The following GDA variants were observed in gnomAD, a reference collection of about 807,000 sequenced individuals.
GDA encodes the protein guanine deaminase, also known as cytoplasmic PSD-95 interactor.
Under a neutral mutation model 59.6 loss-of-function variants are expected in GDA, and 18 were observed. That is an observed-to-expected ratio of 0.30 (90% confidence interval 0.21 to 0.45). The LOEUF (loss-of-function observed/expected upper bound fraction) is 0.45, where lower values mean the gene tolerates loss of function less well. Among genes scored for constraint, GDA ranks in the 20% least tolerant of loss-of-function variants. The probability of loss-of-function intolerance (pLI) is 1.00; values close to 1 mark genes in which losing one functional copy is unlikely to be tolerated. For missense variants in GDA, 427 were observed against 552.3 expected, an observed-to-expected ratio of 0.77 and a Z score of 2.27; for synonymous variants, 201 against 201.1, an observed-to-expected ratio of 1.00 and a Z score of 0.00.
chr9:72,160,042 A>G (rs568862770), intron 1 of GDA, among the ~76,000 whole-genome samples: 1 of 152,244 alleles, frequency 6.6e-6, no homozygotes, highest in East Asian at 1.9e-4. Context: ...GCTCATGCCT[A>G]TAATCCCAGC....
At chr9:72,125,129 G>A (rs1825800825) in intron 1 of GDA, among the ~76,000 whole-genome samples, 2 of 152,184 alleles carry the variant, frequency 1.3e-5, no homozygotes, top group South Asian at 4.1e-4. Context: ...TTTGCAGTGA[G>A]GTGTGGCCAT....
At chr9:72,139,577 T>C (rs1274054812) in intron 1 of GDA, among the ~76,000 whole-genome samples, 1 of 152,118 alleles carries the variant, frequency 6.6e-6, no homozygotes, top group Non-Finnish European at 1.5e-5. Flanking sequence ...CCCAGGGCTT[T>C]GGGAAGTTGA....
chr9:72,217,789 C>T (rs1836324262), intron 5 of GDA, among the ~76,000 whole-genome samples: 1 of 152,182 alleles, frequency 6.6e-6, no homozygotes, highest in East Asian at 1.9e-4. Flanking sequence ...TGTTCTTTTT[C>T]ATACAACATT....
intron 11 of GDA, among the ~76,000 whole-genome samples, chr9:72,243,202 T>C (rs4130866): frequency 0.23 from 35,287 of 152,092 alleles, 4,849 homozygotes; most frequent in East Asian, 0.53. Context: ...ATCAAAACTC[T>C]ATTTCCTGAA....
chr9:72,194,717 G>C (rs910694376), intron 1 of GDA, among the ~76,000 whole-genome samples: 7 of 152,124 alleles, frequency 4.6e-5, no homozygotes, highest in Non-Finnish European at 4.4e-5. Context: ...TAGTCCTTGG[G>C]ACCTAGACTG....
At chr9:72,230,856 C>T (rs1038118183) in intron 9 of GDA, among the ~76,000 whole-genome samples, 6 of 152,102 alleles carry the variant, frequency 3.9e-5, no homozygotes, top group South Asian at 2.1e-4. Context: ...CCCATACAAA[C>T]GATCCCCTGC....
intron 1 of GDA, among the ~76,000 whole-genome samples, chr9:72,178,830 A>T (rs946205085): frequency 2.6e-5 from 4 of 152,230 alleles, no homozygotes; most frequent in Admixed American, 6.5e-5. Context: ...TGTAAAATGT[A>T]AGTGTAGGAT....
intron 11 of GDA, among the ~76,000 whole-genome samples, chr9:72,243,495 T>C (rs1463721460): frequency 6.6e-6 from 1 of 152,226 alleles, no homozygotes; most frequent in Admixed American, 6.5e-5. Flanking sequence ...TGTTTCTTTG[T>C]CAAGGGCAAA....
chr9:72,162,243 G>A (rs1828720975), intron 1 of GDA, among the ~76,000 whole-genome samples: 3 of 152,152 alleles, frequency 2.0e-5, no homozygotes, highest in Admixed American at 2.0e-4. Flanking sequence ...AGGTCTTAGG[G>A]ATAAAATGGT....
intron 3 of GDA, among the ~76,000 whole-genome samples, chr9:72,205,332 C>T (rs1834561514): frequency 6.6e-6 from 1 of 152,080 alleles, no homozygotes; most frequent in South Asian, 2.1e-4. Flanking sequence ...TTTCCTTCCT[C>T]CCTTCCTTCT....
upstream of GDA, among the ~76,000 whole-genome samples, chr9:72,145,312 T>A (rs371571532): frequency 3.3e-5 from 5 of 152,288 alleles, no homozygotes; most frequent in African/African-American, 1.2e-4. Flanking sequence ...GAATGAACAA[T>A]TCCTGGGAGT....
intron 1 of GDA, among the ~76,000 whole-genome samples, chr9:72,177,013 A>G (rs186262055): frequency 1.2e-4 from 18 of 152,320 alleles, no homozygotes; most frequent in African/African-American, 3.1e-4. Context: ...GAGGACTGAA[A>G]AATGACTGTG....
chr9:72,166,133 G>A (rs1426452347), intron 1 of GDA, among the ~76,000 whole-genome samples: 2 of 152,094 alleles, frequency 1.3e-5, no homozygotes, highest in Non-Finnish European at 2.9e-5. Context: ...TCACTGTCCT[G>A]ACAATCAAGT....
chr9:72,146,785 C>G (rs1564157791), upstream of GDA, among the ~76,000 whole-genome samples: 2 of 152,208 alleles, frequency 1.3e-5, no homozygotes, highest in African/African-American at 4.8e-5. Context: ...AGCCACCATG[C>G]CTGGCTGGGA....
At chr9:72,189,018 C>T (rs142166862) in intron 1 of GDA, among the ~76,000 whole-genome samples, 247 of 152,100 alleles carry the variant, frequency 1.6e-3, no homozygotes, top group African/African-American at 4.8e-3. Context: ...CCTTTTGGTC[C>T]AGGACTGTCA....
chr9:72,248,418 A>G lies in GDA; in HGVS notation c.*76A>G. 1 of 1,604,180 alleles carries G rather than the reference A, an allele frequency of 6.2e-7. No homozygotes were observed. Among genetic ancestry groups the G allele is most frequent in the East Asian group, 2.2e-5 (1 of 44,738 alleles). ...TCCCTTGTGCCCAGGTGGAGTTAGA[A>G]AGTCAAAAAATAGTACCTTGTTCTT... is the stretch of plus-strand genomic sequence containing the variant. On this transcript the variant is annotated 3_prime_UTR_variant, in exon 14 of 14. Coordinates refer to ENST00000358399, the MANE Select transcript of GDA (RefSeq NM_004293.5).
intron 9 of GDA, chr9:72,228,599 A>T (rs191586476): frequency 1.6e-4 from 24 of 153,060 alleles, no homozygotes; most frequent in Admixed American, 1.6e-3. Context: ...ATAAAATGAA[A>T]GTTATTGCCT....
chr9:72,129,440 A>T (rs942238036), intron 1 of GDA, among the ~76,000 whole-genome samples: 1 of 152,102 alleles, frequency 6.6e-6, no homozygotes, highest in Non-Finnish European at 1.5e-5. Context: ...CCACCTCCAG[A>T]CCCGTGGACA....
At chr9:72,118,196 C>G (rs1484523247) in intron 1 of GDA, among the ~76,000 whole-genome samples, 1 of 130,092 alleles carries the variant, frequency 7.7e-6, no homozygotes, top group South Asian at 2.5e-4. Flanking sequence ...GGCGTGAACC[C>G]GGGAGGCGGA....
Sources: allele counts gnomAD v4.1 joint callset (sites outside exome capture counted in the v4.1 genomes callset), GRCh38; gene constraint gnomAD v4.1.1; transcripts MANE v1.5; gene names NCBI Gene and HGNC (gene_info 2026-07-23, HGNC 2026-07-21).